The following CUX1 variants were observed in gnomAD, a reference collection of about 807,000 sequenced individuals.
CUX1 encodes the protein protein CASP.
Under a neutral mutation model 158.8 loss-of-function variants are expected in CUX1, and 31 were observed. The ratio of observed to expected loss-of-function variants is 0.20; its 90% CI spans 0.15 to 0.26. The LOEUF (loss-of-function observed/expected upper bound fraction) is 0.26. Ranked by LOEUF, CUX1 falls within the 10% of genes least tolerant of loss-of-function variation. The probability of loss-of-function intolerance (pLI) is 1.00; values close to 1 mark genes in which losing one functional copy is unlikely to be tolerated. For synonymous variants in CUX1, 879 were observed against 862.1 expected, an observed-to-expected ratio of 1.02 and a Z score of -0.34; for missense variants, 1,589 against 2,014.6, an observed-to-expected ratio of 0.79 and a Z score of 4.04.
chr7:102,235,240 G>A (rs1272343837), intron 22 of CUX1, among the ~76,000 whole-genome samples: 1 of 152,202 alleles, frequency 6.6e-6, no homozygotes, highest in African/African-American at 2.4e-5. Flanking sequence ...CAGTGAGTCC[G>A]CCCCTCGAGC....
intron 2 of CUX1, among the ~76,000 whole-genome samples, chr7:101,983,900 G>A (rs1323269747): frequency 6.6e-6 from 1 of 151,262 alleles, no homozygotes; most frequent in Non-Finnish European, 1.5e-5. Flanking sequence ...CGGGTGTGGT[G>A]GCATGTACCT....
chr7:102,177,439 AAG>A (rs1345106638), intron 10 of CUX1, among the ~76,000 whole-genome samples: 1 of 152,058 alleles, frequency 6.6e-6, no homozygotes, highest in Non-Finnish European at 1.5e-5. Context: ...AGAAAAGAAA[AAG>A]AAAATGCTGA....
At chr7:102,118,490 T>C (rs1168781304) in intron 8 of CUX1, among the ~76,000 whole-genome samples, 1 of 152,112 alleles carries the variant, frequency 6.6e-6, no homozygotes, top group Non-Finnish European at 1.5e-5. Flanking sequence ...GTGAGCCTAA[T>C]TATACCACTG....
intron 2 of CUX1, among the ~76,000 whole-genome samples, chr7:102,011,491 T>C (rs1460956555): frequency 6.6e-6 from 1 of 152,074 alleles, no homozygotes; most frequent in Non-Finnish European, 1.5e-5. Flanking sequence ...CAAGTGATTC[T>C]CCTGCCTCAG....
intron 1 of CUX1, among the ~76,000 whole-genome samples, chr7:101,904,016 G>A (rs907219075): frequency 5.9e-5 from 9 of 152,092 alleles, no homozygotes; most frequent in African/African-American, 1.7e-4. Context: ...ATTTTAGCCA[G>A]GTCCGGTCAC....
chr7:101,962,168 A>G (rs903928815), intron 2 of CUX1, among the ~76,000 whole-genome samples: 14 of 152,172 alleles, frequency 9.2e-5, no homozygotes, highest in Admixed American at 8.5e-4. Flanking sequence ...CTTCCCCCCA[A>G]ATACAGGTGG....
intron 1 of CUX1, among the ~76,000 whole-genome samples, chr7:101,914,856 G>A (rs114946961): frequency 0.022 from 3,328 of 152,192 alleles, 119 homozygotes; most frequent in African/African-American, 0.071. Flanking sequence ...GGCCCACCCC[G>A]TAGTAGTACC....
At chr7:102,228,102 C>T (rs782663808) in intron 21 of CUX1, among the ~76,000 whole-genome samples, 1 of 151,928 alleles carries the variant, frequency 6.6e-6, no homozygotes, top group Non-Finnish European at 1.5e-5. Flanking sequence ...AGGTACCTGC[C>T]ACCACTCCTG....
At chr7:102,204,580 G>C in intron 19 of CUX1, 24 bp downstream of exon 19, 1 of 1,608,144 alleles carries the variant, frequency 6.2e-7, no homozygotes, top group Non-Finnish European at 8.5e-7. Flanking sequence ...TGCCACAGGA[G>C]AGGGGCTGCC....
downstream of CUX1, among the ~76,000 whole-genome samples, chr7:102,262,486 C>T (rs1299562985): frequency 6.6e-6 from 1 of 152,042 alleles, no homozygotes; most frequent in Non-Finnish European, 1.5e-5. Flanking sequence ...ACTCACCCAG[C>T]ACCCAGTGGC....
chr7:102,126,484 A>G (rs1045750228), intron 8 of CUX1, among the ~76,000 whole-genome samples: 3 of 152,090 alleles, frequency 2.0e-5, no homozygotes, highest in Admixed American at 1.3e-4. Context: ...GCCTATTTCC[A>G]TAGTCTTTTT....
intron 6 of CUX1, among the ~76,000 whole-genome samples, chr7:102,108,657 A>T (rs1377905455): frequency 6.6e-6 from 1 of 152,076 alleles, no homozygotes; most frequent in Non-Finnish European, 1.5e-5. Flanking sequence ...CAAATTAGGT[A>T]AAGGGATTAG....
At chr7:102,154,583 T>C (rs1554504555) in intron 8 of CUX1, 1 of 151,596 alleles carries the variant, frequency 6.6e-6, no homozygotes, top group Non-Finnish European at 1.5e-5. Context: ...ATCACACCAC[T>C]GTACTCCAGC....
intron 8 of CUX1, among the ~76,000 whole-genome samples, chr7:102,128,718 C>A (rs1422891408): frequency 6.6e-6 from 1 of 152,018 alleles, no homozygotes; most frequent in African/African-American, 2.4e-5. Context: ...CACGCCTCAC[C>A]TGTAATCCCA....
At chr7:102,263,903 G>C (rs1288059330) in intron 14 of CUX1, among the ~76,000 whole-genome samples, 2 of 150,750 alleles carry the variant, frequency 1.3e-5, no homozygotes, top group African/African-American at 4.9e-5. Flanking sequence ...TATTGGCCGG[G>C]CTGGTCTCGA....
chr7:101,984,092 ATATATATATATAT>A lies in CUX1; in HGVS notation c.142-44005_142-43993del, dbSNP rs1813891388. ...TGTCCCCCCCCAAAAAAAAAAAAAT[ATATATATATATAT>A]ATATATATATATATATATATATATA... On this transcript the variant is annotated intron_variant, in intron 2 of 23. Coordinates refer to ENST00000292535, the MANE Select transcript of CUX1 (RefSeq NM_181552.4). 1.5e-3 allele frequency among the ~76,000 whole-genome samples: 29 copies of A among 19,632 alleles called. 1 individual carries two copies. The highest frequency in any genetic ancestry group is 2.4e-3 in the Non-Finnish European group (24 of 9,860). 12.9% of individuals were successfully genotyped at this position (19,632 alleles called of 152,430 possible).
At chr7:101,832,815 G>A (rs530709493) in intron 1 of CUX1, among the ~76,000 whole-genome samples, 10 of 152,252 alleles carry the variant, frequency 6.6e-5, no homozygotes, top group South Asian at 2.1e-4. Flanking sequence ...GCGTCGGAGC[G>A]GCTGCACAGG....
chr7:101,969,982 CAAAAAAAAAAAA>C (rs34167642), intron 2 of CUX1, among the ~76,000 whole-genome samples: 2 of 55,658 alleles, frequency 3.6e-5, no homozygotes, highest in Non-Finnish European at 3.1e-5. Flanking sequence ...GAGTTAGCAC[CAAAAAAAAAAAA>C]AAAAAAAAAA....
chr7:101,989,586 C>T (rs921238439), intron 2 of CUX1, among the ~76,000 whole-genome samples: 2 of 152,228 alleles, frequency 1.3e-5, no homozygotes, highest in African/African-American at 4.8e-5. Context: ...AGCTCGAAGA[C>T]ACCATGGAGG....
Sources: gnomAD v4.1 joint callset for allele counts (sites outside exome capture counted in the v4.1 genomes callset) on GRCh38, gnomAD v4.1.1 for gene constraint, MANE v1.5 for transcripts, NCBI Gene and HGNC (gene_info 2026-07-23, HGNC 2026-07-21) for gene names.